DSCAML1: variants seen among roughly 807,000 people sequenced by gnomAD.
DSCAML1 encodes cell adhesion molecule DSCAML1.
Under a neutral mutation model 200.5 loss-of-function variants are expected in DSCAML1, and 38 were observed. The observed-to-expected ratio is 0.19, with a 90% CI of 0.15 to 0.25. DSCAML1 has a LOEUF of 0.25. Among genes scored for constraint, DSCAML1 ranks in the 10% least tolerant of loss-of-function variants. The pLI, the probability that DSCAML1 is intolerant of heterozygous loss-of-function variation, is 1.00. For missense variants in DSCAML1, 2,223 were observed against 2,858.8 expected (o/e 0.78, Z 5.07); for synonymous variants, 1,215 against 1,165.0 (o/e 1.04, Z -0.87).
At chr11:117,487,005 A>G (rs1276672183) in intron 11 of DSCAML1, among the ~76,000 whole-genome samples, 1 of 136,170 alleles carries the variant, frequency 7.3e-6, no homozygotes, top group Non-Finnish European at 1.5e-5. Flanking sequence ...GCTCACTGCA[A>G]CCTCCGCCTC....
intron 18 of DSCAML1, among the ~76,000 whole-genome samples, chr11:117,459,896 G>C (rs1592610307): frequency 1.3e-5 from 2 of 152,246 alleles, no homozygotes; most frequent in Admixed American, 6.5e-5. Context: ...GGGATCCAGA[G>C]GGCAAGAAGG....
intron 23 of DSCAML1, 32 bp downstream of exon 23, chr11:117,439,234 C>T: frequency 3.1e-6 from 5 of 1,611,472 alleles, no homozygotes; most frequent in Non-Finnish European, 4.2e-6. Flanking sequence ...TCCCTGTCCC[C>T]ACCTGGGGTC....
chr11:117,690,223 T>C (rs561957212), intron 3 of DSCAML1, among the ~76,000 whole-genome samples: 3 of 152,392 alleles, frequency 2.0e-5, no homozygotes, highest in South Asian at 4.1e-4. Flanking sequence ...TGAGTACCTA[T>C]TAAGAGCTGG....
rs1447989654 is a variant in DSCAML1, at chr11:117,504,052, G to A, written c.2183-31C>T. 6.2e-7 allele frequency: 1 copy of A among 1,609,724 alleles called. No individual in the cohort carries two copies. Among genetic ancestry groups the A allele is most frequent in the Non-Finnish European group, 8.5e-7 (1 of 1,177,836 alleles). On this transcript the variant is annotated intron_variant, in intron 10 of 32. Transcript: ENST00000651296. The surrounding 1 kb of genome is among the most constrained non-coding windows in gnomAD (Gnocchi z 5.0). ...AGGAGGCAGCTGTTAGGAGGGCTGAGTCTGCACTGGGGCATAAGCTGAGAG... is the reference window on the plus strand; with the variant it reads ...AGGAGGCAGCTGTTAGGAGGGCTGAATCTGCACTGGGGCATAAGCTGAGAG...
At chr11:117,633,523 C>A (rs548232037) in intron 3 of DSCAML1, among the ~76,000 whole-genome samples, 1 of 152,298 alleles carries the variant, frequency 6.6e-6, no homozygotes, top group South Asian at 2.1e-4. Flanking sequence ...CAGGTTTTCA[C>A]GCAGAATTTT....
chr11:117,572,021 A>G (rs1375359262), intron 3 of DSCAML1, among the ~76,000 whole-genome samples: 2 of 152,228 alleles, frequency 1.3e-5, no homozygotes, highest in African/African-American at 4.8e-5. Flanking sequence ...GGCATGAATA[A>G]TCCACCCCTT....
intron 3 of DSCAML1, among the ~76,000 whole-genome samples, chr11:117,627,340 C>A (rs2052069467): frequency 6.6e-6 from 1 of 152,158 alleles, no homozygotes; most frequent in South Asian, 2.1e-4. Context: ...TCCTCACCAC[C>A]ATCTGAGGTG....
chr11:117,428,741 G>T lies in DSCAML1; in HGVS notation c.5749C>A (p.Arg1917Ser). 1.2e-6 allele frequency: 2 copies of T among 1,612,838 alleles called. No homozygotes were observed. Among genetic ancestry groups the T allele is most frequent in the Non-Finnish European group, 1.7e-6 (2 of 1,179,660 alleles). ...SEAFFRKADG[R>S]EPCPVVPPRE... ...GGTGGGACCACGGGGCAGGGCTCAC[G>T]TCCATCTGCCTTTCGAAAGAAGGCC... is the stretch of plus-strand genomic sequence containing the variant. Residue 1917 changes from arginine (R) to serine (S), a missense_variant, in exon 33 of 33, where the codon CGT (arginine) becomes AGT (serine). Transcript: ENST00000651296.
At chr11:117,732,702 C>T (rs2054244097) in intron 3 of DSCAML1, among the ~76,000 whole-genome samples, 1 of 152,196 alleles carries the variant, frequency 6.6e-6, no homozygotes, top group African/African-American at 2.4e-5. Context: ...TGGGCCTGCT[C>T]TTACCTCTCT....
intron 18 of DSCAML1, 71 bp downstream of exon 18, chr11:117,461,377 CTA>C: frequency 6.3e-7 from 1 of 1,599,254 alleles, no homozygotes; most frequent in Non-Finnish European, 8.5e-7. Flanking sequence ...TCAGCTCTAA[CTA>C]CGCCTGGAAG....
intron 11 of DSCAML1, among the ~76,000 whole-genome samples, chr11:117,497,782 A>G (rs1254917027): frequency 6.6e-6 from 1 of 152,192 alleles, no homozygotes; most frequent in Non-Finnish European, 1.5e-5. Flanking sequence ...GGCTGGAGAG[A>G]GCAGGTGATG....
chr11:117,542,871 G>A (rs1235690771), intron 3 of DSCAML1, among the ~76,000 whole-genome samples: 1 of 152,186 alleles, frequency 6.6e-6, no homozygotes, highest in Non-Finnish European at 1.5e-5. Context: ...TGGGGCTCCT[G>A]AACACAAATT....
chr11:117,743,003 T>TCATCCATCCATC (rs60601984), intron 3 of DSCAML1, among the ~76,000 whole-genome samples: 111,529 of 150,918 alleles, frequency 0.74, 44,090 homozygotes, highest in South Asian at 0.88. Context: ...CACTCCACTT[T>TCATCCATCCATC]CATCCATCCA....
At chr11:117,810,072 T>C (rs12364606) in intron 1 of DSCAML1, among the ~76,000 whole-genome samples, 82,409 of 150,756 alleles carry the variant, frequency 0.55, 22,947 homozygotes, top group African/African-American at 0.68. Flanking sequence ...CACACTCACT[T>C]ACACATTCGC....
chr11:117,513,406 C>T (rs948323762), intron 8 of DSCAML1, among the ~76,000 whole-genome samples: 6 of 152,124 alleles, frequency 3.9e-5, no homozygotes, highest in African/African-American at 1.4e-4. Flanking sequence ...CTCAGATGGC[C>T]ACGGTGAGGT....
At chr11:117,584,869 A>G (rs1314230873) in intron 3 of DSCAML1, among the ~76,000 whole-genome samples, 8 of 152,226 alleles carry the variant, frequency 5.3e-5, no homozygotes, top group Admixed American at 5.2e-4. Flanking sequence ...AGGAGTACCC[A>G]CCTAGTTCAC....
rs370043427 is a variant in DSCAML1, at chr11:117,661,337, C to T, written c.511+115454G>A. Among the ~76,000 whole-genome samples, 7 of 152,294 alleles carry T rather than the reference C, an allele frequency of 4.6e-5. No individual in the cohort carries two copies. The East Asian group carries it at 1.2e-3, about 25-fold the overall frequency. On this transcript the variant is annotated intron_variant, in intron 3 of 32. Transcript: ENST00000651296. ...GTAGCCATGGCAATGCAAGGCCTTC[C>T]CTGGGGCTTCTGCCGCAAGGGAGGA...
intron 3 of DSCAML1, among the ~76,000 whole-genome samples, chr11:117,672,121 A>AAAAAAG (rs1555196996): frequency 6.8e-6 from 1 of 147,568 alleles, no homozygotes; most frequent in African/African-American, 2.5e-5. Flanking sequence ...AAAAAAAAAA[A>AAAAAAG]AAGAAGAAAC....
chr11:117,663,508 AGATACAG>A (rs1308135624), intron 3 of DSCAML1, among the ~76,000 whole-genome samples: 1 of 151,878 alleles, frequency 6.6e-6, no homozygotes, highest in Non-Finnish European at 1.5e-5. Flanking sequence ...AGTACCATGG[AGATACAG>A]GAGGCTCTCC....
Sources: gnomAD v4.1 joint callset for allele counts (sites outside exome capture counted in the v4.1 genomes callset) on GRCh38, gnomAD v4.1.1 for gene constraint, Gnocchi (gnomAD v3.1) non-coding constraint, MANE v1.5 for transcripts, NCBI Gene and HGNC (gene_info 2026-07-23, HGNC 2026-07-21) for gene names.